HIVEP2: variants seen among roughly 807,000 people sequenced by gnomAD.
HIVEP2 encodes the protein transcription factor HIVEP2.
A neutral mutation model predicts 180.7 loss-of-function variants in HIVEP2; 14 were observed. The observed-to-expected ratio is 0.08, with a 90% CI of 0.05 to 0.12. The LOEUF is 0.12. Among genes scored for constraint, HIVEP2 ranks in the 10% least tolerant of loss-of-function variants. The pLI, the probability that HIVEP2 is intolerant of heterozygous loss-of-function variation, is 1.00. For missense variants in HIVEP2, 2,579 were observed against 3,008.5 expected (o/e 0.86, Z 3.34); for synonymous variants, 1,184 against 1,136.4 (o/e 1.04, Z -0.84).
At chr6:142,912,228 A>C (rs1345706081) in intron 1 of HIVEP2, among the ~76,000 whole-genome samples, 1 of 152,218 alleles carries the variant, frequency 6.6e-6, no homozygotes, top group East Asian at 1.9e-4. Context: ...TGGCCAATGC[A>C]GTTCAATTGG....
rs766005252 is a variant in HIVEP2, at chr6:142,774,325, T to G, written c.414A>C (p.Leu138Phe). 5 of 1,614,042 alleles carry G rather than the reference T, an allele frequency of 3.1e-6. No individual in the cohort carries two copies. The East Asian group carries it at 8.9e-5, about 29-fold the overall frequency. Reference sequence around the variant, plus strand: ...TGTGGCCATGTATAGGAAAAGGAAATAAGTCCTCAGAGGCAACGGATGGCA... The same window carrying G: ...TGTGGCCATGTATAGGAAAAGGAAAGAAGTCCTCAGAGGCAACGGATGGCA... ...GPLPSVASED[L>F]FPFPIHGHSG... Residue 138 changes from leucine to phenylalanine, a missense_variant, in exon 5 of 10, where the codon TTA becomes TTC. Transcript: ENST00000367603. The surrounding 1 kb of genome is among the most constrained non-coding windows in gnomAD (Gnocchi z 5.1).
At chr6:142,817,258 G>T (rs1776866682) in intron 2 of HIVEP2, among the ~76,000 whole-genome samples, 1 of 152,136 alleles carries the variant, frequency 6.6e-6, no homozygotes, top group Non-Finnish European at 1.5e-5. Flanking sequence ...AAAATACTGT[G>T]GCTCCAGCTT....
At chr6:142,859,419 C>G (rs1223730628) in intron 1 of HIVEP2, among the ~76,000 whole-genome samples, 1 of 150,852 alleles carries the variant, frequency 6.6e-6, no homozygotes, top group Non-Finnish European at 1.5e-5. Flanking sequence ...TATGATCCTG[C>G]CATTGCACTC....
intron 1 of HIVEP2, among the ~76,000 whole-genome samples, chr6:142,863,189 T>A (rs151307615): frequency 9.0e-4 from 136 of 150,324 alleles, no homozygotes; most frequent in Admixed American, 2.1e-3. Flanking sequence ...GCATTTTTTT[T>A]AATAAATTCC....
intron 1 of HIVEP2, among the ~76,000 whole-genome samples, chr6:142,893,056 T>C (rs1776899835): frequency 6.6e-6 from 1 of 152,182 alleles, no homozygotes; most frequent in Admixed American, 6.5e-5. Flanking sequence ...AATAAATCAT[T>C]CTCATGAAAC....
At chr6:142,936,633 A>G (rs556839497) in intron 1 of HIVEP2, among the ~76,000 whole-genome samples, 101 of 152,278 alleles carry the variant, frequency 6.6e-4, no homozygotes, top group African/African-American at 2.3e-3. Context: ...ACACATACAC[A>G]TATATATAAA....
rs1399219613 is a variant in HIVEP2, at chr6:142,773,242, G to A, written c.1497C>T (p.Asn499=). ...TAATCTGGGGTTGTCTGGACTCACT[G>A]TTGAACTTAGTGGATTTCAGCATGC... ...QTSMLKSTKF[N]SESRQPQIIP... is the part of the protein sequence containing the mutation. Residue 499 remains asparagine (N), a synonymous_variant, in exon 5 of 10, where the codon AAC becomes AAT. Coordinates refer to ENST00000367603, the MANE Select transcript of HIVEP2 (RefSeq NM_006734.4). The A allele has an allele frequency of 1.2e-6, 2 of 1,614,046 alleles. No individual in the cohort carries two copies. The highest frequency in any genetic ancestry group is 1.3e-5 in the African/African-American group (1 of 74,920).
In HIVEP2 at chr6:142,772,231, A is replaced by G; in HGVS notation, c.2508T>C (p.Thr836=). ...GGGCTTCTGAAATCTCACTGTCACA[A>G]GTCTCTGAAGGGGAAGGGGCTTTAT... ...TQDKAPSPSE[T]CDSEISEAPV... is the part of the protein sequence containing the mutation. The change falls in exon 5 of 10, where the codon ACT becomes ACC. Residue 836 remains threonine (T), a synonymous_variant. Transcript: ENST00000367603. This position sits in a 1 kb window ranked among gnomAD's most constrained non-coding sequence, Gnocchi z 4.9. The G allele has an allele frequency of 4.3e-6, 7 of 1,614,178 alleles. No individual in the cohort carries two copies. The highest frequency in any genetic ancestry group is 5.9e-6 in the Non-Finnish European group (7 of 1,180,032).
chr6:142,902,550 T>C lies in HIVEP2; in HGVS notation c.-641+42549A>G, dbSNP rs9321879. On this transcript the variant is annotated intron_variant, in intron 1 of 9. Coordinates refer to ENST00000367603, the MANE Select transcript of HIVEP2 (RefSeq NM_006734.4). Reference sequence around the variant, plus strand: ...CTCAAATAGAATAGCCTTTTTAAGATAGTAATATTGTTTAGATAGGAATTT... The same window carrying C: ...CTCAAATAGAATAGCCTTTTTAAGACAGTAATATTGTTTAGATAGGAATTT... Among the ~76,000 whole-genome samples, 1,140 of 152,340 alleles carry C rather than the reference T, an allele frequency of 7.5e-3. 12 individuals carry two copies. Among genetic ancestry groups the C allele is most frequent in the African/African-American group, 0.025 (1,044 of 41,556 alleles).
intron 2 of HIVEP2, among the ~76,000 whole-genome samples, chr6:142,816,481 T>C (rs1305887933): frequency 6.6e-6 from 1 of 152,178 alleles, no homozygotes; most frequent in Non-Finnish European, 1.5e-5. Context: ...ACTCACACTA[T>C]TAGCACCGCT....
At chr6:142,806,176 T>G (rs1254834078) in intron 2 of HIVEP2, among the ~76,000 whole-genome samples, 1 of 152,200 alleles carries the variant, frequency 6.6e-6, no homozygotes, top group Non-Finnish European at 1.5e-5. Context: ...TATACTCACA[T>G]TTTGGAGAAA....
intron 1 of HIVEP2, among the ~76,000 whole-genome samples, chr6:142,859,834 C>CAAAAAAAAAAAAAAAAAAAAGAAAAA (rs1775926310): frequency 2.7e-5 from 2 of 73,612 alleles, no homozygotes; most frequent in Non-Finnish European, 2.5e-5. Context: ...AACTCCGTCT[C>CAAAAAAAAAAAAAAAAAAAAGAAAAA]AAAAAAAAAA....
At chr6:142,823,525 A>C (rs1052077146) in intron 2 of HIVEP2, among the ~76,000 whole-genome samples, 1 of 152,218 alleles carries the variant, frequency 6.6e-6, no homozygotes, top group African/African-American at 2.4e-5. Flanking sequence ...GTAAAAGAAA[A>C]GACTTAAGAG....
chr6:142,831,262 T>A (rs1775072371), intron 2 of HIVEP2, among the ~76,000 whole-genome samples: 2 of 152,024 alleles, frequency 1.3e-5, no homozygotes, highest in South Asian at 4.2e-4. Flanking sequence ...GGGATTCGAG[T>A]CTCCACTGAG....
chr6:142,875,849 A>C (rs954682070), intron 1 of HIVEP2, among the ~76,000 whole-genome samples: 1 of 152,206 alleles, frequency 6.6e-6, no homozygotes, highest in Non-Finnish European at 1.5e-5. Context: ...AGCCAAGTGC[A>C]TGGATTTAGG....
chr6:142,823,867 TA>T (rs1185625994), intron 2 of HIVEP2, among the ~76,000 whole-genome samples: 2 of 152,220 alleles, frequency 1.3e-5, no homozygotes, highest in African/African-American at 4.8e-5. Context: ...AAAAAAATAT[TA>T]AAAAGCTTCA....
At chr6:142,795,178 G>A (rs1776252404) in intron 2 of HIVEP2, among the ~76,000 whole-genome samples, 1 of 152,140 alleles carries the variant, frequency 6.6e-6, no homozygotes, top group Admixed American at 6.5e-5. Flanking sequence ...TATTTGCCCT[G>A]AAAAATTATA....
Position 142,772,431 on chromosome 6 carries a change from G to T in HIVEP2, c.2308C>A (p.Pro770Thr). ...PCRPQLQPGS[P>T]SLVSEESPSA... Reference sequence around the variant, plus strand: ...GGTGACTCCTCTGACACAAGAGATGGACTTCCAGGCTGCAGTTGGGGCCGA... The same window carrying T: ...GGTGACTCCTCTGACACAAGAGATGTACTTCCAGGCTGCAGTTGGGGCCGA... The change falls in exon 5 of 10, where the codon CCA becomes ACA. Residue 770 changes from proline to threonine, a missense_variant. Around this residue, in one of 11 missense-constraint regions of HIVEP2, gnomAD observed 524 missense variants for 563.6 expected, o/e 0.93. Coordinates refer to ENST00000367603, the MANE Select transcript of HIVEP2 (RefSeq NM_006734.4). The surrounding 1 kb of genome is among the most constrained non-coding windows in gnomAD (Gnocchi z 4.9). 6.2e-7 allele frequency: 1 copy of T among 1,614,190 alleles called. No homozygotes were observed. The highest frequency in any genetic ancestry group is 8.5e-7 in the Non-Finnish European group (1 of 1,180,036).
In HIVEP2 at chr6:142,770,463, G is replaced by A. The variant is rs373621115; in HGVS notation, c.4276C>T (p.Pro1426Ser). The A allele has an allele frequency of 2.3e-5, 37 of 1,614,052 alleles. No homozygotes were observed. In the African/African-American group the frequency reaches 3.6e-4, roughly 16 times the overall value. ...GLESSIPLCL[P>S]STSDSVATLG... is the part of the protein sequence containing the mutation. ...GTGGCCACGCTGTCAGAGGTGGAAG[G>A]TAAACACAAGGGGATGGAGGATTCT... The change falls in exon 5 of 10, where the codon CCT becomes TCT. Residue 1426 changes from proline to serine, a missense_variant. Physicochemically the swap from Pro to Ser is moderately conservative, Grantham distance 74. Coordinates refer to ENST00000367603, the MANE Select transcript of HIVEP2 (RefSeq NM_006734.4). This position sits in a 1 kb window ranked among gnomAD's most constrained non-coding sequence, Gnocchi z 4.7.
Sources: gnomAD v4.1 joint callset for allele counts (sites outside exome capture counted in the v4.1 genomes callset) on GRCh38, gnomAD v4.1.1 for gene constraint, gnomAD v4.1.1 regional missense constraint, Gnocchi (gnomAD v3.1) non-coding constraint, MANE v1.5 for transcripts, NCBI Gene and HGNC (gene_info 2026-07-23, HGNC 2026-07-21) for gene names.